SPATC1: variants seen among roughly 807,000 people sequenced by gnomAD.
SPATC1 encodes speriolin.
In SPATC1, 35 loss-of-function variants were observed where a neutral mutation model predicts 36.5. That is an observed-to-expected ratio of 0.96 (90% CI 0.73 to 1.27). The LOEUF is 1.27. Ranked by LOEUF, SPATC1 falls within the 50% of genes most tolerant of loss-of-function variation. The probability of loss-of-function intolerance (pLI) is 0.00; values close to 1 mark genes in which losing one functional copy is unlikely to be tolerated. For missense variants in SPATC1, 779 were observed against 796.0 expected, an observed-to-expected ratio of 0.98 and a Z score of 0.26; for synonymous variants, 361 against 353.6, an observed-to-expected ratio of 1.02 and a Z score of -0.24.
intron 1 of SPATC1, among the ~76,000 whole-genome samples, chr8:144,015,187 A>C (rs1489615598): frequency 3.3e-5 from 5 of 150,542 alleles, no homozygotes; most frequent in African/African-American, 1.2e-4. Context: ...TTACAGGTGC[A>C]TGCCAGTACT....
In SPATC1 at chr8:144,041,386, G is replaced by A. The variant is rs755271202; in HGVS notation, c.1446+15G>A. On this transcript the variant is annotated intron_variant, in intron 4 of 4. Transcript: ENST00000377470. ...AGATCATCCAGGTGTGCGGCCAGGG[G>A]TCCTGCAGGGACAGGGGGCAGGTTG... 6.2e-7 allele frequency: 1 copy of A among 1,604,068 alleles called. No individual in the cohort carries two copies. Among genetic ancestry groups the A allele is most frequent in the Non-Finnish European group, 8.5e-7 (1 of 1,179,298 alleles).
At chr8:144,019,041 CA>C (rs1212175839) in intron 1 of SPATC1, among the ~76,000 whole-genome samples, 7,245 of 56,314 alleles carry the variant, frequency 0.13, 117 homozygotes, top group African/African-American at 0.22. Flanking sequence ...GACTCCGTCT[CA>C]AAAAAAAAAA....
In SPATC1 at chr8:144,038,975, A is replaced by G. The variant is rs76590142; in HGVS notation, c.212-934A>G. Among the ~76,000 whole-genome samples the G allele has an allele frequency of 5.1e-3, 775 of 152,324 alleles. 4 individuals carry two copies. Among genetic ancestry groups the G allele is most frequent in the African/African-American group, 0.018 (752 of 41,558 alleles). On this transcript the variant is annotated intron_variant, in intron 1 of 4. Coordinates refer to ENST00000377470, the MANE Select transcript of SPATC1 (RefSeq NM_198572.3). ...AACTCCTGAGCTATATACGCACGGT[A>G]GAGAAGGTCTCCAAGGCAACACGCA... is the stretch of plus-strand genomic sequence containing the variant.
At chr8:144,032,140 TA>T (rs1834810475) in intron 1 of SPATC1, among the ~76,000 whole-genome samples, 1 of 152,232 alleles carries the variant, frequency 6.6e-6, no homozygotes, top group Admixed American at 6.5e-5. Flanking sequence ...TCTTAGGCTT[TA>T]TTCATTTTTC....
chr8:144,017,495 C>T (rs1350598740), intron 1 of SPATC1, among the ~76,000 whole-genome samples: 1 of 152,112 alleles, frequency 6.6e-6, no homozygotes, highest in African/African-American at 2.4e-5. Context: ...ATGAGCAGGG[C>T]TTGGTCTGGT....
chr8:144,022,679 C>T (rs1834561749), intron 1 of SPATC1, among the ~76,000 whole-genome samples: 2 of 151,246 alleles, frequency 1.3e-5, no homozygotes, highest in Non-Finnish European at 1.5e-5. Flanking sequence ...TCACGACCCT[C>T]TCTCCTCAGG....
chr8:144,025,251 T>C (rs1285850344), intron 1 of SPATC1, among the ~76,000 whole-genome samples: 1 of 152,116 alleles, frequency 6.6e-6, no homozygotes, highest in Non-Finnish European at 1.5e-5. Flanking sequence ...TCCCTCATAC[T>C]TTCTCCCCTC....
At chr8:144,036,483 C>T (rs1324540051) in intron 1 of SPATC1, among the ~76,000 whole-genome samples, 1 of 152,064 alleles carries the variant, frequency 6.6e-6, no homozygotes, top group Non-Finnish European at 1.5e-5. Flanking sequence ...ACCACCATAC[C>T]CGGCTAATTT....
At position 144,045,025 on chromosome 8, in the gene SPATC1, C is replaced by G. The variant is rs1398775769; in HGVS notation, c.1447-1602C>G. ...CCATCCCCCAAGGTGGGGGCCCCTG[C>G]GTGCCCTGGTGCTCAGTGCTCACTG... On this transcript the variant is annotated intron_variant, in intron 4 of 4. Coordinates refer to ENST00000377470, the MANE Select transcript of SPATC1 (RefSeq NM_198572.3). This position sits in a 1 kb window ranked among gnomAD's most constrained non-coding sequence, Gnocchi z 5.2. Among the ~76,000 whole-genome samples the G allele has an allele frequency of 1.3e-5, 2 of 152,252 alleles. No homozygotes were observed. The highest frequency in any genetic ancestry group is 4.8e-5 in the African/African-American group (2 of 41,476).
intron 1 of SPATC1, among the ~76,000 whole-genome samples, chr8:144,017,373 C>G (rs1834415505): frequency 6.6e-6 from 1 of 152,128 alleles, no homozygotes; most frequent in Non-Finnish European, 1.5e-5. Context: ...CTTTCTGGGC[C>G]TACCCTTCTC....
Position 144,037,616 on chromosome 8 carries a change from G to C in SPATC1, c.212-2293G>C, listed in dbSNP as rs549728001. On this transcript the variant is annotated intron_variant, in intron 1 of 4. Transcript: ENST00000377470. ...ACAGATGCTTGAAGGCAGCATGCTCGTTAAGAGTCATCACCACTCCCTAAT... is the reference window on the plus strand; with the variant it reads ...ACAGATGCTTGAAGGCAGCATGCTCCTTAAGAGTCATCACCACTCCCTAAT... Among the ~76,000 whole-genome samples the C allele has an allele frequency of 8.5e-3, 1,293 of 152,054 alleles. 16 individuals are homozygous for C. The highest frequency in any genetic ancestry group is 0.029 in the African/African-American group (1,197 of 41,442).
At chr8:144,017,090 C>T (rs1316925816) in intron 1 of SPATC1, among the ~76,000 whole-genome samples, 1 of 152,112 alleles carries the variant, frequency 6.6e-6, no homozygotes, top group African/African-American at 2.4e-5. Flanking sequence ...TGGGAGATGA[C>T]AGCATAAGCC....
intron 1 of SPATC1, among the ~76,000 whole-genome samples, chr8:144,039,244 C>G (rs559680278): frequency 6.6e-6 from 1 of 152,346 alleles, no homozygotes; most frequent in East Asian, 1.9e-4. Flanking sequence ...AAAAGGAGCA[C>G]TCCTCCAGGA....
intron 4 of SPATC1, among the ~76,000 whole-genome samples, chr8:144,042,775 A>T (rs1199177742): frequency 6.6e-6 from 1 of 151,812 alleles, no homozygotes; most frequent in Non-Finnish European, 1.5e-5. Flanking sequence ...GGAATCCTGC[A>T]CTCTTGAGGA....
At chr8:144,044,304 A>AT (rs72275831) in intron 4 of SPATC1, among the ~76,000 whole-genome samples, 136 of 141,716 alleles carry the variant, frequency 9.6e-4, no homozygotes, top group East Asian at 2.7e-3. Context: ...CCTTGAAGGA[A>AT]TTTTTTTTTT....
rs1176124590 is a variant in SPATC1 at position 144,016,361 on chromosome 8, CTG to C, written c.211+3648_211+3649del. On this transcript the variant is annotated intron_variant, in intron 1 of 4. Transcript: ENST00000377470. The surrounding 1 kb of genome is among the most constrained non-coding windows in gnomAD (Gnocchi z 4.5). ...TATGGCTCTGTGTGTGTGTGAGTTG[CTG>C]TGTGTGTGTGTGAATGTATGTGAGA... is the stretch of plus-strand genomic sequence containing the variant. Among the ~76,000 whole-genome samples the C allele has an allele frequency of 1.3e-5, 2 of 150,496 alleles. No homozygotes were observed. The highest frequency in any genetic ancestry group is 2.1e-4 in the South Asian group (1 of 4,770).
intron 4 of SPATC1, among the ~76,000 whole-genome samples, chr8:144,041,619 G>T (rs1358722163): frequency 6.6e-6 from 1 of 152,248 alleles, no homozygotes; most frequent in Non-Finnish European, 1.5e-5. Flanking sequence ...TTTGCCACCA[G>T]GATGGCCTCC....
At chr8:144,044,333 G>A (rs1170299991) in intron 4 of SPATC1, among the ~76,000 whole-genome samples, 7 of 148,812 alleles carry the variant, frequency 4.7e-5, no homozygotes, top group Non-Finnish European at 8.9e-5. Context: ...ATGGAGTCTC[G>A]CTCTGTCGCC....
chr8:144,030,445 G>A (rs1026734442), intron 1 of SPATC1, among the ~76,000 whole-genome samples: 9 of 152,252 alleles, frequency 5.9e-5, no homozygotes, highest in South Asian at 2.1e-4. Context: ...TGCAGCCTCC[G>A]CCTCCTGGGT....
Sources: gnomAD v4.1 joint callset for allele counts (sites outside exome capture counted in the v4.1 genomes callset) on GRCh38, gnomAD v4.1.1 for gene constraint, Gnocchi (gnomAD v3.1) non-coding constraint, MANE v1.5 for transcripts, NCBI Gene and HGNC (gene_info 2026-07-23, HGNC 2026-07-21) for gene names.